The following GTF2A1L variants were observed in gnomAD, a reference collection of about 807,000 sequenced individuals.
GTF2A1L encodes the protein TFIIA-alpha and beta-like factor.
A neutral mutation model predicts 49.7 loss-of-function variants in GTF2A1L; 48 were observed. That is an observed-to-expected ratio of 0.97 (90% CI 0.77 to 1.23). The LOEUF (loss-of-function observed/expected upper bound fraction) is 1.23. Among genes scored for constraint, GTF2A1L ranks in the 50% most tolerant of loss-of-function variants. The pLI, the probability that GTF2A1L is intolerant of heterozygous loss-of-function variation, is 0.00. For synonymous variants in GTF2A1L, 246 were observed against 193.5 expected, an observed-to-expected ratio of 1.27 and a Z score of -2.25; for missense variants, 736 against 564.8, an observed-to-expected ratio of 1.30 and a Z score of -3.07.
rs141695870 is a variant in GTF2A1L, at chr2:48,625,845, A to T, written c.247+4555A>T. 9.7e-5 allele frequency among the ~76,000 whole-genome samples: 14 copies of T among 143,824 alleles called. 1 individual carries two copies. In the East Asian group the frequency reaches 2.7e-3, roughly 28 times the overall value. The allele number at this position is 143,824 out of a possible 152,430, so 94.4% of individuals were successfully genotyped here. On this transcript the variant is annotated intron_variant, in intron 3 of 8. Coordinates refer to ENST00000403751, the MANE Select transcript of GTF2A1L (RefSeq NM_006872.5). The stretch of plus-strand genomic sequence containing the variant: ...CAATCCTCCTGCCTCGGCCTCCCAA[A>T]GTGCTGGGATTACAGATGTGAGCGA...
At chr2:48,650,850 A>G (rs13029396) in intron 6 of GTF2A1L, among the ~76,000 whole-genome samples, 12,548 of 152,236 alleles carry the variant, frequency 0.082, 608 homozygotes, top group Non-Finnish European at 0.11. Flanking sequence ...TCCTGTTAAG[A>G]ATTAAAGAAA....
At chr2:48,672,522 C>T (rs1029074865) in intron 8 of GTF2A1L, among the ~76,000 whole-genome samples, 3 of 152,098 alleles carry the variant, frequency 2.0e-5, no homozygotes, top group African/African-American at 7.2e-5. Context: ...GTGAAGTGCC[C>T]AGAACCCAGA....
chr2:48,618,165 T>G (rs1675771741), intron 1 of GTF2A1L: 4 of 472,184 alleles, frequency 8.5e-6, no homozygotes. Context: ...GTTGGGGTGT[T>G]TAGAGGTGGA....
At chr2:48,652,691 T>G (rs1174254855) in intron 6 of GTF2A1L, among the ~76,000 whole-genome samples, 1 of 151,426 alleles carries the variant, frequency 6.6e-6, no homozygotes, top group South Asian at 2.1e-4. Flanking sequence ...GACTTTATTA[T>G]TATTATCATT....
chr2:48,621,383 G>C (rs1675992672), intron 3 of GTF2A1L, 93 bp downstream of exon 3: 3 of 1,555,430 alleles, frequency 1.9e-6, no homozygotes, highest in Non-Finnish European at 1.7e-6. Context: ...AATGTTCTTA[G>C]GGTGAGAAGG....
At chr2:48,633,987 C>T (rs1330106443) in intron 3 of GTF2A1L, among the ~76,000 whole-genome samples, 1 of 152,086 alleles carries the variant, frequency 6.6e-6, no homozygotes, top group East Asian at 1.9e-4. Context: ...TGGTGGATCA[C>T]TCTTCAGCCC....
chr2:48,677,472 T>A (rs1383838099), intron 8 of GTF2A1L, among the ~76,000 whole-genome samples: 1 of 151,930 alleles, frequency 6.6e-6, no homozygotes, highest in Non-Finnish European at 1.5e-5. Context: ...AGTATGCCCG[T>A]GTGTTCAGGG....
intron 3 of GTF2A1L, among the ~76,000 whole-genome samples, chr2:48,633,747 C>T (rs1676718265): frequency 6.6e-6 from 1 of 152,118 alleles, no homozygotes; most frequent in Non-Finnish European, 1.5e-5. Flanking sequence ...GGAAGTCCCC[C>T]ACCATTATCG....
At chr2:48,669,032 C>G (rs1679025868) in intron 6 of GTF2A1L, among the ~76,000 whole-genome samples, 2 of 152,178 alleles carry the variant, frequency 1.3e-5, no homozygotes, top group African/African-American at 4.8e-5. Context: ...TTATCTATAA[C>G]ATAAAAATTT....
At chr2:48,664,562 G>A (rs1558762493) in intron 6 of GTF2A1L, among the ~76,000 whole-genome samples, 1 of 152,050 alleles carries the variant, frequency 6.6e-6, no homozygotes, top group African/African-American at 2.4e-5. Flanking sequence ...GGTAATATTA[G>A]TTTCATAGAA....
At chr2:48,677,317 A>C (rs954467981) in intron 8 of GTF2A1L, among the ~76,000 whole-genome samples, 1 of 151,932 alleles carries the variant, frequency 6.6e-6, no homozygotes, top group African/African-American at 2.4e-5. Context: ...AATAGATTGC[A>C]ATTTTAGATG....
chr2:48,651,123 A>C (rs991887581), intron 6 of GTF2A1L, among the ~76,000 whole-genome samples: 111 of 152,230 alleles, frequency 7.3e-4, no homozygotes, highest in Middle Eastern at 3.4e-3. Flanking sequence ...TTATTGTACT[A>C]CCCAGTCACA....
intron 8 of GTF2A1L, among the ~76,000 whole-genome samples, chr2:48,679,127 C>G (rs1030663058): frequency 2.0e-5 from 3 of 151,676 alleles, no homozygotes; most frequent in Non-Finnish European, 2.9e-5. Flanking sequence ...ATATATGTAT[C>G]TTAAACTAAT....
chr2:48,638,921 C>T (rs559417846), intron 3 of GTF2A1L, among the ~76,000 whole-genome samples: 1 of 152,082 alleles, frequency 6.6e-6, no homozygotes, highest in East Asian at 1.9e-4. Context: ...CATTCCTATA[C>T]ACCAACAATA....
intron 6 of GTF2A1L, among the ~76,000 whole-genome samples, chr2:48,653,086 T>C (rs556628079): frequency 1.3e-5 from 2 of 151,740 alleles, no homozygotes; most frequent in South Asian, 4.2e-4. Context: ...AAAATTAGCC[T>C]GGCGTGCGGC....
intron 1 of GTF2A1L, 102 bp downstream of exon 1, chr2:48,617,997 T>C: frequency 8.2e-7 from 1 of 1,217,514 alleles, no homozygotes; most frequent in Non-Finnish European, 1.2e-6. Flanking sequence ...ACTTTACAGA[T>C]TGTCATAAAC....
At chr2:48,669,106 A>C (rs1008261779) in intron 6 of GTF2A1L, among the ~76,000 whole-genome samples, 3 of 152,172 alleles carry the variant, frequency 2.0e-5, no homozygotes, top group African/African-American at 7.2e-5. Flanking sequence ...ATGTTGTACA[A>C]CCATCCCCAC....
rs1365076888 is a variant in GTF2A1L, at chr2:48,625,668, G to C, written c.247+4378G>C. On this transcript the variant is annotated intron_variant, in intron 3 of 8. Coordinates refer to ENST00000403751, the MANE Select transcript of GTF2A1L (RefSeq NM_006872.5). ...AGCAATCATAGGTCACTGTAGCCTT[G>C]ACTTTCCAGGGTCAATTGATCCTCT... is the stretch of plus-strand genomic sequence containing the variant. Among the ~76,000 whole-genome samples the C allele has an allele frequency of 1.4e-5, 2 of 142,622 alleles. 1 individual carries two copies. The highest frequency in any genetic ancestry group is 3.1e-5 in the Non-Finnish European group (2 of 63,508). The allele number at this position is 142,622 out of a possible 152,430, so 93.6% of individuals were successfully genotyped here.
intron 3 of GTF2A1L, among the ~76,000 whole-genome samples, chr2:48,635,040 G>A (rs551492434): frequency 6.6e-6 from 1 of 152,328 alleles, no homozygotes; most frequent in South Asian, 2.1e-4. Flanking sequence ...GCACAGTGAT[G>A]AGGGGCAGCC....
Sources: allele counts gnomAD v4.1 joint callset (sites outside exome capture counted in the v4.1 genomes callset), GRCh38; gene constraint gnomAD v4.1.1; transcripts MANE v1.5; gene names NCBI Gene and HGNC (gene_info 2026-07-23, HGNC 2026-07-21).